The following SAXO1 variants were observed in gnomAD, a reference collection of about 807,000 sequenced individuals.
SAXO1 encodes 4930500O09Rik.
SAXO1 carries 21 observed loss-of-function variants against 17.5 expected under a neutral mutation model. That is an observed-to-expected ratio of 1.20 (90% CI 0.85 to 1.72). SAXO1 has a LOEUF of 1.72. SAXO1 is among the 40% of genes most tolerant of loss of function. The pLI is 0.00. For missense variants in SAXO1, 843 were observed against 596.0 expected, an observed-to-expected ratio of 1.41 and a Z score of -4.32; for synonymous variants, 274 against 216.5, an observed-to-expected ratio of 1.27 and a Z score of -2.33.
At chr9:18,971,132 G>A (rs912950616) in intron 1 of SAXO1, among the ~76,000 whole-genome samples, 15 of 152,188 alleles carry the variant, frequency 9.9e-5, no homozygotes, top group African/African-American at 3.6e-4. Flanking sequence ...CAAAGGGAGT[G>A]ATTTTGCCCC....
chr9:18,988,297 C>A (rs988650799), intron 1 of SAXO1, among the ~76,000 whole-genome samples: 11 of 152,172 alleles, frequency 7.2e-5, no homozygotes, highest in Non-Finnish European at 1.3e-4. Flanking sequence ...CATTATGAAA[C>A]AAGTGAAAAC....
At chr9:18,954,351 T>C (rs1039145708) in intron 1 of SAXO1, among the ~76,000 whole-genome samples, 1 of 152,036 alleles carries the variant, frequency 6.6e-6, no homozygotes. Context: ...ATTTTTTTTT[T>C]TTTAAGACAA....
At chr9:18,933,486 G>T (rs1042722637) in intron 3 of SAXO1, among the ~76,000 whole-genome samples, 6 of 152,138 alleles carry the variant, frequency 3.9e-5, no homozygotes, top group African/African-American at 1.4e-4. Context: ...TTACCAGTAT[G>T]CTTTACTACT....
intron 1 of SAXO1, among the ~76,000 whole-genome samples, chr9:18,963,257 G>C (rs533418883): frequency 6.6e-6 from 1 of 152,088 alleles, no homozygotes; most frequent in Non-Finnish European, 1.5e-5. Flanking sequence ...TGTTCTTTTT[G>C]CTTAGTTTTA....
chr9:19,016,578 T>C (rs544655260), intron 1 of SAXO1, among the ~76,000 whole-genome samples: 1 of 152,018 alleles, frequency 6.6e-6, no homozygotes, highest in Middle Eastern at 3.4e-3. Flanking sequence ...TTGTCAAAAG[T>C]GGGGTAGGTG....
intron 1 of SAXO1, among the ~76,000 whole-genome samples, chr9:18,992,088 C>T (rs925857128): frequency 3.9e-5 from 6 of 152,186 alleles, no homozygotes; most frequent in Non-Finnish European, 8.8e-5. Context: ...GTCACAACAT[C>T]CCATTCTATA....
At chr9:18,941,268 C>T (rs898749710) in intron 3 of SAXO1, among the ~76,000 whole-genome samples, 1 of 151,680 alleles carries the variant, frequency 6.6e-6, no homozygotes, top group African/African-American at 2.4e-5. Flanking sequence ...GCCTCACAGA[C>T]TGTAGTGTCT....
chr9:18,964,045 T>C (rs1291622717), intron 1 of SAXO1, among the ~76,000 whole-genome samples: 1 of 152,186 alleles, frequency 6.6e-6, no homozygotes, highest in Non-Finnish European at 1.5e-5. Context: ...GTTTTTGTCA[T>C]TGGTTCTGTG....
At chr9:18,949,101 CA>C (rs1563937186) in intron 2 of SAXO1, among the ~76,000 whole-genome samples, 1 of 152,118 alleles carries the variant, frequency 6.6e-6, no homozygotes, top group Non-Finnish European at 1.5e-5. Flanking sequence ...ACTGTTTTCC[CA>C]GCAAAATGAA....
At chr9:18,956,370 G>C (rs549597768) in intron 1 of SAXO1, among the ~76,000 whole-genome samples, 2 of 152,136 alleles carry the variant, frequency 1.3e-5, no homozygotes, top group South Asian at 4.2e-4. Flanking sequence ...ACGTGACTTT[G>C]GGCTTTTCAA....
intron 1 of SAXO1, among the ~76,000 whole-genome samples, chr9:18,986,008 A>C (rs1370321858): frequency 6.6e-6 from 1 of 152,170 alleles, no homozygotes; most frequent in Non-Finnish European, 1.5e-5. Flanking sequence ...GCACAATTAG[A>C]CCAGGCCTGG....
chr9:19,014,460 C>CAAAAAAAAAA (rs375593725), intron 1 of SAXO1, among the ~76,000 whole-genome samples: 12 of 88,542 alleles, frequency 1.4e-4, no homozygotes, highest in South Asian at 4.1e-4. Context: ...AACTGTGTCT[C>CAAAAAAAAAA]AAAAAAAAAA....
chr9:19,021,979 A>T (rs1277976973), intron 1 of SAXO1, among the ~76,000 whole-genome samples: 4 of 152,248 alleles, frequency 2.6e-5, no homozygotes, highest in Non-Finnish European at 4.4e-5. Context: ...AGCAGTGGCA[A>T]CTGGGTCGGG....
chr9:19,020,022 T>TAAA (rs368560199), intron 1 of SAXO1, among the ~76,000 whole-genome samples: 33 of 141,366 alleles, frequency 2.3e-4, no homozygotes, highest in Admixed American at 4.9e-4. Flanking sequence ...CAGGTATTAT[T>TAAA]AAAAAAAAAA....
At chr9:18,931,961 CTT>C (rs1256020766) in intron 3 of SAXO1, among the ~76,000 whole-genome samples, 2 of 152,192 alleles carry the variant, frequency 1.3e-5, no homozygotes, top group Admixed American at 1.3e-4. Flanking sequence ...TATCACTTCT[CTT>C]TTCATTTTCT....
At position 18,961,990 on chromosome 9, in the gene SAXO1, T is replaced by G. The variant is rs138401889; in HGVS notation, c.39-11053A>C. Among the ~76,000 whole-genome samples the G allele has an allele frequency of 5.7e-4, 87 of 152,360 alleles. No homozygotes were observed. In the East Asian group the frequency reaches 0.013, roughly 22 times the overall value. On this transcript the variant is annotated intron_variant, in intron 1 of 3. Coordinates refer to ENST00000380534, the MANE Select transcript of SAXO1 (RefSeq NM_153707.4). ...AGCATTCCTATTTCTCTGCATCTGT[T>G]GTTTCCTGACTTTTTAGTGATCACC... is the stretch of plus-strand genomic sequence containing the variant.
intron 1 of SAXO1, among the ~76,000 whole-genome samples, chr9:18,983,018 G>A (rs140132846): frequency 4.9e-4 from 74 of 152,234 alleles, no homozygotes; most frequent in African/African-American, 1.6e-3. Context: ...ATGAGGTGAC[G>A]CTTGGGCTAA....
intron 1 of SAXO1, among the ~76,000 whole-genome samples, chr9:18,989,233 G>A (rs758435463): frequency 3.3e-5 from 5 of 152,102 alleles, no homozygotes; most frequent in Admixed American, 2.6e-4. Context: ...CAGAACATTC[G>A]ATGCCTCTTT....
chr9:19,025,050 T>C (rs539708496), intron 1 of SAXO1, among the ~76,000 whole-genome samples: 1 of 152,362 alleles, frequency 6.6e-6, no homozygotes, highest in South Asian at 2.1e-4. Context: ...GTACTCATTT[T>C]ATAAGATGAA....
Sources: allele counts gnomAD v4.1 joint callset (sites outside exome capture counted in the v4.1 genomes callset), GRCh38; gene constraint gnomAD v4.1.1; transcripts MANE v1.5; gene names NCBI Gene and HGNC (gene_info 2026-07-23, HGNC 2026-07-21).